Variants in KCNMA1 observed in about 807,000 individuals in gnomAD.
The protein encoded by KCNMA1 is Calcium-activated potassium channel subunit alpha-1.
In KCNMA1, 29 loss-of-function variants were observed where a neutral mutation model predicts 140.0. The observed-to-expected ratio is 0.21, with a 90% confidence interval of 0.15 to 0.28. The LOEUF is 0.28. Among genes scored for constraint, KCNMA1 ranks in the 10% least tolerant of loss-of-function variants. KCNMA1 has a pLI of 1.00. For synonymous variants in KCNMA1, 612 were observed against 611.9 expected (o/e 1.00, Z 0.00); for missense variants, 880 against 1,602.2 (o/e 0.55, Z 7.70).
intron 24 of KCNMA1, chr10:76,914,092 T>C: frequency 4.5e-6 from 7 of 1,550,166 alleles, no homozygotes; most frequent in Non-Finnish European, 5.2e-6. Flanking sequence ...CGTCCCACTG[T>C]TTTTTTCCTG....
At chr10:77,605,640 C>G (rs1038463798) in intron 1 of KCNMA1, among the ~76,000 whole-genome samples, 3 of 152,200 alleles carry the variant, frequency 2.0e-5, no homozygotes, top group Non-Finnish European at 4.4e-5. Flanking sequence ...AGGAGCAAGC[C>G]CCGAGCAGCC....
chr10:77,389,365 G>A (rs1365410380), intron 2 of KCNMA1, among the ~76,000 whole-genome samples: 1 of 152,166 alleles, frequency 6.6e-6, no homozygotes, highest in Non-Finnish European at 1.5e-5. Context: ...AAATAAACAT[G>A]CCTTTTATTG....
Position 77,637,719 on chromosome 10 carries a change from C to CAGCCA in KCNMA1, c.-82_-78dup. The CAGCCA allele has an allele frequency of 7.1e-7, 1 of 1,399,460 alleles. No homozygotes were observed. The allele number at this position is 1,399,460 out of a possible 1,614,324, so 86.7% of individuals were successfully genotyped here. A position where few individuals can be genotyped will look rare whatever the true frequency, so the allele number is the denominator to read the frequency against. On this transcript the variant is annotated 5_prime_UTR_variant, in exon 1 of 28. It removes the in-frame stop codon of an upstream open reading frame in the 5' UTR. Transcript: ENST00000286628. ...CAGCGCCACCCCAAACACCCATCAA[C>CAGCCA]AGCCATATTGCTGCTACTGCTGCCG...
At chr10:77,396,553 C>T (rs911715502) in intron 2 of KCNMA1, among the ~76,000 whole-genome samples, 1 of 152,202 alleles carries the variant, frequency 6.6e-6, no homozygotes, top group East Asian at 1.9e-4. Context: ...GAATGTACAT[C>T]TATTTAACTC....
chr10:76,894,699 G>A (rs1248779599), intron 25 of KCNMA1, among the ~76,000 whole-genome samples: 3 of 152,128 alleles, frequency 2.0e-5, no homozygotes, highest in East Asian at 3.9e-4. Context: ...TATAAAAGTG[G>A]TTAATAAACT....
At chr10:77,137,497 G>T (rs2098069954) in intron 5 of KCNMA1, among the ~76,000 whole-genome samples, 1 of 152,102 alleles carries the variant, frequency 6.6e-6, no homozygotes, top group Non-Finnish European at 1.5e-5. Flanking sequence ...AGGAGCATGG[G>T]GAGGCTTCTT....
intron 1 of KCNMA1, among the ~76,000 whole-genome samples, chr10:77,505,521 G>GA (rs1248163670): frequency 6.6e-6 from 1 of 152,250 alleles, no homozygotes; most frequent in African/African-American, 2.4e-5. Context: ...AGTTAGAGGA[G>GA]AGAGATGTTA....
At chr10:77,346,345 T>G (rs1457152408) in intron 2 of KCNMA1, among the ~76,000 whole-genome samples, 1 of 152,176 alleles carries the variant, frequency 6.6e-6, no homozygotes, top group East Asian at 1.9e-4. Context: ...GAAAGCCAAT[T>G]TAGTAAGAAA....
intron 1 of KCNMA1, among the ~76,000 whole-genome samples, chr10:77,453,477 A>T (rs556831389): frequency 2.6e-5 from 4 of 152,234 alleles, no homozygotes; most frequent in Admixed American, 2.0e-4. Context: ...AAATTCAGAC[A>T]AGACAATGAT....
At chr10:77,441,108 C>T (rs1243163291) in intron 1 of KCNMA1, among the ~76,000 whole-genome samples, 1 of 152,076 alleles carries the variant, frequency 6.6e-6, no homozygotes, top group Admixed American at 6.5e-5. Context: ...CAGGCGTGAG[C>T]CACCGCGCCC....
At chr10:77,420,787 A>C (rs1306989264) in intron 1 of KCNMA1, among the ~76,000 whole-genome samples, 1 of 152,226 alleles carries the variant, frequency 6.6e-6, no homozygotes, top group Non-Finnish European at 1.5e-5. Context: ...GAGGCCAAGC[A>C]TCACAGAGAA....
intron 15 of KCNMA1, among the ~76,000 whole-genome samples, chr10:77,033,026 G>A (rs1166745675): frequency 1.3e-5 from 2 of 152,118 alleles, no homozygotes; most frequent in Non-Finnish European, 2.9e-5. Flanking sequence ...GATGAAAGAA[G>A]CAACTGTCAT....
At chr10:77,460,924 G>C (rs972854773) in intron 1 of KCNMA1, among the ~76,000 whole-genome samples, 3 of 152,066 alleles carry the variant, frequency 2.0e-5, no homozygotes, top group Non-Finnish European at 4.4e-5. Flanking sequence ...TTGCCAACAC[G>C]GTGAAACCCC....
chr10:77,469,850 A>G (rs696211), intron 1 of KCNMA1, among the ~76,000 whole-genome samples: 54,504 of 152,066 alleles, frequency 0.36, 9,958 homozygotes, highest in African/African-American at 0.42. Flanking sequence ...GCAATTCACA[A>G]TGGGTTTGAG....
At chr10:77,260,826 T>C (rs2574798) in intron 2 of KCNMA1, among the ~76,000 whole-genome samples, 41,223 of 151,900 alleles carry the variant, frequency 0.27, 6,477 homozygotes, top group Admixed American at 0.35. Flanking sequence ...GTGGCAGATA[T>C]AGGGAGCATT....
At chr10:77,195,701 C>T (rs1484927504) in intron 3 of KCNMA1, among the ~76,000 whole-genome samples, 1 of 152,036 alleles carries the variant, frequency 6.6e-6, no homozygotes, top group African/African-American at 2.4e-5. Flanking sequence ...GTAATCCCAG[C>T]ACTTTGGGAG....
intron 1 of KCNMA1, among the ~76,000 whole-genome samples, chr10:77,441,637 C>T (rs898713341): frequency 6.6e-6 from 1 of 152,044 alleles, no homozygotes; most frequent in African/African-American, 2.4e-5. Flanking sequence ...CAAAAACACA[C>T]TGAGAAGAAA....
At chr10:77,143,211 GAAT>G (rs1162708404) in intron 5 of KCNMA1, among the ~76,000 whole-genome samples, 8 of 152,012 alleles carry the variant, frequency 5.3e-5, no homozygotes, top group Non-Finnish European at 1.0e-4. Flanking sequence ...TATATAAAAA[GAAT>G]AATACTTTAG....
At chr10:77,092,695 T>C (rs571075683) in intron 9 of KCNMA1, among the ~76,000 whole-genome samples, 2 of 152,352 alleles carry the variant, frequency 1.3e-5, no homozygotes, top group South Asian at 4.1e-4. Flanking sequence ...CCAGGCATTG[T>C]AAAGTTCGAA....
Sources: allele counts gnomAD v4.1 joint callset (sites outside exome capture counted in the v4.1 genomes callset), GRCh38; gene constraint gnomAD v4.1.1; transcripts MANE v1.5; gene names NCBI Gene and HGNC (gene_info 2026-07-23, HGNC 2026-07-21).